Variants in TAGLN3 observed in about 807,000 individuals in gnomAD.
TAGLN3 encodes transgelin-3.
In TAGLN3, 12 loss-of-function variants were observed where a neutral mutation model predicts 25.4. That is an observed-to-expected ratio of 0.47 (90% confidence interval 0.30 to 0.77). The LOEUF (loss-of-function observed/expected upper bound fraction) is 0.77, where lower values mean the gene tolerates loss of function less well. TAGLN3 is among the 30% of genes least tolerant of loss of function. TAGLN3 has a pLI of 0.06. For synonymous variants in TAGLN3, 96 were observed against 94.8 expected (o/e 1.01, Z -0.08); for missense variants, 218 against 255.8 (o/e 0.85, Z 1.01).
In TAGLN3 at chr3:112,013,241, G is replaced by GCAGGGTAGGGCCATAGCTCAGAGCT. The variant is rs576772597; in HGVS notation, c.459-146_459-145insCTCAGGGTAGGGCCATAGCTCAGAG. ...CCACGGCTCAGGGTAGGTCCACAGT[G>GCAGGGTAGGGCCATAGCTCAGAGCT]CAGGGTAGGGCCATAGCTCAGAGTA... On this transcript the variant is annotated intron_variant, in intron 4 of 4. Coordinates refer to ENST00000478951, the MANE Select transcript of TAGLN3 (RefSeq NM_001008272.2). 4.6e-3 allele frequency among the ~76,000 whole-genome samples: 697 copies of GCAGGGTAGGGCCATAGCTCAGAGCT among 152,262 alleles called. 11 individuals are homozygous for GCAGGGTAGGGCCATAGCTCAGAGCT. Among genetic ancestry groups the GCAGGGTAGGGCCATAGCTCAGAGCT allele is most frequent in the African/African-American group, 0.015 (625 of 41,546 alleles).
chr3:112,000,857 A>G lies in TAGLN3; in HGVS notation c.266A>G (p.Gln89Arg). 2.5e-6 allele frequency: 4 copies of G among 1,614,216 alleles called. No individual in the cohort carries two copies. Among genetic ancestry groups the G allele is most frequent in the Non-Finnish European group, 3.4e-6 (4 of 1,180,014 alleles). Residue 89 changes from glutamine (Q) to arginine (R), a missense_variant, in exon 3 of 5, where the codon CAG (glutamine) becomes CGG (arginine). Physicochemically the swap from Gln to Arg is conservative, Grantham distance 43. Coordinates refer to ENST00000478951, the MANE Select transcript of TAGLN3 (RefSeq NM_001008272.2). ...KISESKMAFK[Q>R]MEQISQFLKA... ...TCAGAGTCAAAGATGGCTTTTAAGC[A>G]GATGGAGCAAATCTCCCAGTTCCTA...
At chr3:112,012,779 C>G (rs1159082386) in intron 4 of TAGLN3, among the ~76,000 whole-genome samples, 1 of 152,144 alleles carries the variant, frequency 6.6e-6, no homozygotes, top group Non-Finnish European at 1.5e-5. Flanking sequence ...CTATCTGGCT[C>G]TTTACCAAAG....
chr3:112,006,473 C>G (rs1443100907), intron 3 of TAGLN3, among the ~76,000 whole-genome samples: 1 of 152,110 alleles, frequency 6.6e-6, no homozygotes, highest in Non-Finnish European at 1.5e-5. Flanking sequence ...GGAAGCTAGG[C>G]CAAAGTTATT....
At chr3:112,006,753 ATT>A (rs2072921089) in intron 3 of TAGLN3, among the ~76,000 whole-genome samples, 1 of 152,112 alleles carries the variant, frequency 6.6e-6, no homozygotes, top group Admixed American at 6.6e-5. Flanking sequence ...TATCCTTTTC[ATT>A]TACTTTTTAT....
At chr3:112,005,235 G>A (rs1362011451) in intron 3 of TAGLN3, among the ~76,000 whole-genome samples, 1 of 152,156 alleles carries the variant, frequency 6.6e-6, no homozygotes, top group East Asian at 1.9e-4. Flanking sequence ...ACTATGTAAA[G>A]AAGCTAGCAC....
At chr3:112,010,815 C>T (rs2072968221) in intron 3 of TAGLN3, among the ~76,000 whole-genome samples, 1 of 152,164 alleles carries the variant, frequency 6.6e-6, no homozygotes, top group Non-Finnish European at 1.5e-5. Context: ...AGCTGGACTT[C>T]CTCTGAAGGC....
In TAGLN3 at chr3:112,000,919, ATCT is replaced by A; in HGVS notation, c.330_332del (p.Phe111del). ...GACCTATGGTGTCAGAACCACCGAC[ATCT>A]TTCAGACGGTGGATCTATGGGAAGG... On this transcript the variant is annotated inframe_deletion, in exon 3 of 5. Transcript: ENST00000478951. 1 of 1,614,130 alleles carries A rather than the reference ATCT, an allele frequency of 6.2e-7. No individual in the cohort carries two copies. Among genetic ancestry groups the A allele is most frequent in the Non-Finnish European group, 8.5e-7 (1 of 1,180,008 alleles).
chr3:112,002,186 T>C (rs924497529), intron 3 of TAGLN3, among the ~76,000 whole-genome samples: 1 of 152,240 alleles, frequency 6.6e-6, no homozygotes, highest in African/African-American at 2.4e-5. Flanking sequence ...ATCAAAACTA[T>C]GATGATTTTT....
Position 111,998,953 on chromosome 3 carries a change from C to T in TAGLN3, c.-164C>T, listed in dbSNP as rs143397138. On this transcript the variant is annotated 5_prime_UTR_variant, in exon 1 of 5. Coordinates refer to ENST00000478951, the MANE Select transcript of TAGLN3 (RefSeq NM_001008272.2). Reference sequence around the variant, plus strand: ...ATGTGCCATTCTTCCAGGCGCGAGGCAGCAGCGGCTGCAGTTCAACATGAA... The same window carrying T: ...ATGTGCCATTCTTCCAGGCGCGAGGTAGCAGCGGCTGCAGTTCAACATGAA... 3.0e-4 allele frequency: 46 copies of T among 152,870 alleles called. No homozygotes were observed. The East Asian group carries it at 8.9e-3, about 29-fold the overall frequency. 9.5% of individuals were successfully genotyped at this position (152,870 alleles called of 1,614,324 possible).
At chr3:112,001,604 A>T (rs1351893300) in intron 3 of TAGLN3, among the ~76,000 whole-genome samples, 1 of 152,250 alleles carries the variant, frequency 6.6e-6, no homozygotes, top group South Asian at 2.1e-4. Context: ...ACCTATGGTC[A>T]TGGTGTCGTT....
intron 2 of TAGLN3, chr3:112,000,524 G>C (rs2072844027): frequency 2.6e-6 from 1 of 383,266 alleles, no homozygotes; most frequent in Non-Finnish European, 4.7e-6. Flanking sequence ...AACAGGGAGG[G>C]AATGGCGCTC....
At chr3:112,011,989 C>A in intron 4 of TAGLN3, 124 bp downstream of exon 4, 1 of 788,166 alleles carries the variant, frequency 1.3e-6, no homozygotes, top group Non-Finnish European at 2.0e-6. Flanking sequence ...GCTGTCTCCA[C>A]AACTGAGTTC....
At chr3:112,007,145 A>G (rs2072927101) in intron 3 of TAGLN3, among the ~76,000 whole-genome samples, 1 of 152,132 alleles carries the variant, frequency 6.6e-6, no homozygotes, top group Admixed American at 6.5e-5. Flanking sequence ...GAAGGTACAG[A>G]TATTTTCCAT....
intron 3 of TAGLN3, 72 bp downstream of exon 3, chr3:112,001,018 TCA>T: frequency 7.2e-7 from 1 of 1,389,390 alleles, no homozygotes; most frequent in Non-Finnish European, 1.0e-6. Flanking sequence ...TAAAAACTGC[TCA>T]CAGTGTTCTT....
At chr3:112,010,274 T>C (rs1255298329) in intron 3 of TAGLN3, among the ~76,000 whole-genome samples, 4 of 152,136 alleles carry the variant, frequency 2.6e-5, no homozygotes, top group Non-Finnish European at 5.9e-5. Flanking sequence ...AGAATAGCTC[T>C]TTCCAACCAC....
In TAGLN3 at chr3:111,999,736, C is replaced by T. The variant is rs1266976636; in HGVS notation, c.180+134C>T. 7.6e-6 allele frequency: 9 copies of T among 1,182,360 alleles called. No homozygotes were observed. In the African/African-American group the frequency reaches 1.4e-4, roughly 18 times the overall value. The allele number at this position is 1,182,360 out of a possible 1,614,324, so 73.2% of individuals were successfully genotyped here. On this transcript the variant is annotated intron_variant, in intron 2 of 4. Coordinates refer to ENST00000478951, the MANE Select transcript of TAGLN3 (RefSeq NM_001008272.2). ...GTCTCACCGGGAGGGGATGAGAATG[C>T]CTTTATTTCTTCAGGGTTGGAAGAT... is the stretch of plus-strand genomic sequence containing the variant.
At chr3:112,012,594 C>T (rs1216106587) in intron 4 of TAGLN3, among the ~76,000 whole-genome samples, 3 of 151,690 alleles carry the variant, frequency 2.0e-5, no homozygotes, top group Non-Finnish European at 4.4e-5. Context: ...TCCAGCATCC[C>T]CTTTTCTTCT....
At chr3:112,004,413 A>C (rs1276526814) in intron 3 of TAGLN3, among the ~76,000 whole-genome samples, 1 of 151,434 alleles carries the variant, frequency 6.6e-6, no homozygotes, top group Non-Finnish European at 1.5e-5. Context: ...TGTAAGAGAG[A>C]GAGAGAACAT....
intron 3 of TAGLN3, among the ~76,000 whole-genome samples, chr3:112,004,684 A>G (rs760588891): frequency 3.3e-5 from 5 of 152,232 alleles, no homozygotes; most frequent in Non-Finnish European, 7.3e-5. Context: ...AGCATGGTTC[A>G]TGATGATAGT....
Sources: gnomAD v4.1 joint callset for allele counts (sites outside exome capture counted in the v4.1 genomes callset) on GRCh38, gnomAD v4.1.1 for gene constraint, MANE v1.5 for transcripts, NCBI Gene and HGNC (gene_info 2026-07-23, HGNC 2026-07-21) for gene names.